The following MYT1L variants were observed in gnomAD, a reference collection of about 807,000 sequenced individuals.
The protein encoded by MYT1L is myelin transcription factor 1 like.
MYT1L carries 12 observed loss-of-function variants against 126.7 expected under a neutral mutation model. The observed-to-expected ratio is 0.09, with a 90% confidence interval of 0.06 to 0.15. The LOEUF is 0.15. Ranked by LOEUF, MYT1L falls within the 10% of genes least tolerant of loss-of-function variation. The pLI is 1.00. For synonymous variants in MYT1L, 541 were observed against 604.2 expected (o/e 0.90, Z 1.53); for missense variants, 979 against 1,585.2 (o/e 0.62, Z 6.49).
chr2:1,836,804 C>A (rs1276851195), intron 21 of MYT1L, among the ~76,000 whole-genome samples: 2 of 151,934 alleles, frequency 1.3e-5, no homozygotes, highest in East Asian at 3.9e-4. Context: ...CATCAGCCTG[C>A]ACCCCAATAT....
At chr2:2,104,859 T>C (rs115207059) in intron 3 of MYT1L, among the ~76,000 whole-genome samples, 4,341 of 152,280 alleles carry the variant, frequency 0.029, 107 homozygotes, top group Non-Finnish European at 0.044. Flanking sequence ...AAGACTCCTG[T>C]TCTCATCCGA....
intron 1 of MYT1L, chr2:2,325,988 G>T (rs1231278268): frequency 6.6e-6 from 1 of 152,046 alleles, no homozygotes; most frequent in Non-Finnish European, 1.5e-5. Flanking sequence ...GGCAAATTAA[G>T]AAAAAAAGAA....
rs1473041884 is a variant in MYT1L, at chr2:2,224,688, G to A, written c.-420-51700C>T. 8.6e-5 allele frequency among the ~76,000 whole-genome samples: 13 copies of A among 151,798 alleles called. No individual in the cohort carries two copies. The highest frequency in any genetic ancestry group is 5.9e-5 in the Non-Finnish European group (4 of 67,932). On this transcript the variant is annotated intron_variant, in intron 2 of 24. Coordinates refer to ENST00000647738, the MANE Select transcript of MYT1L (RefSeq NM_001303052.2). This position sits in a 1 kb window ranked among gnomAD's most constrained non-coding sequence, Gnocchi z 4.0. Reference sequence around the variant, plus strand: ...CAAAAAATTAGCCAGGTGTGGTGGCGGGCACCTGTAGTCCCAGCTACTTGG... The same window carrying A: ...CAAAAAATTAGCCAGGTGTGGTGGCAGGCACCTGTAGTCCCAGCTACTTGG...
chr2:1,866,560 A>T (rs2045511696), intron 18 of MYT1L, among the ~76,000 whole-genome samples: 1 of 110,374 alleles, frequency 9.1e-6, no homozygotes, highest in African/African-American at 3.5e-5. Flanking sequence ...AGAGAGGGAG[A>T]GGGAAGGGGA....
chr2:2,121,433 C>T (rs1171840588), intron 3 of MYT1L, among the ~76,000 whole-genome samples: 1 of 151,914 alleles, frequency 6.6e-6, no homozygotes, highest in Non-Finnish European at 1.5e-5. Context: ...CCTAGGCCAC[C>T]CAAGGTGCTG....
At chr2:2,011,940 G>A (rs1294647816) in intron 4 of MYT1L, among the ~76,000 whole-genome samples, 1 of 152,194 alleles carries the variant, frequency 6.6e-6, no homozygotes, top group Non-Finnish European at 1.5e-5. Flanking sequence ...GGCCCCAGGT[G>A]CTAGACCACC....
At chr2:1,944,538 C>A (rs541857674) in intron 8 of MYT1L, among the ~76,000 whole-genome samples, 1 of 151,974 alleles carries the variant, frequency 6.6e-6, no homozygotes, top group African/African-American at 2.4e-5. Context: ...GCCTCTCTCA[C>A]TGGCCCATTA....
At position 2,059,278 on chromosome 2, in the gene MYT1L, A is replaced by T. The variant is rs895265822; in HGVS notation, c.-303-5155T>A. On this transcript the variant is annotated intron_variant, in intron 3 of 24. Transcript: ENST00000647738. The surrounding 1 kb of genome is among the most constrained non-coding windows in gnomAD (Gnocchi z 4.7). ...CGGGGTCGCAACTGCTTTTCGCAGGATTGTTTTATTATTTCCAGTGACTTT... is the reference window on the plus strand; with the variant it reads ...CGGGGTCGCAACTGCTTTTCGCAGGTTTGTTTTATTATTTCCAGTGACTTT... 2.6e-5 allele frequency among the ~76,000 whole-genome samples: 4 copies of T among 152,062 alleles called. No homozygotes were observed. The highest frequency in any genetic ancestry group is 4.1e-4 in the South Asian group (2 of 4,828).
At chr2:1,819,782 G>A (rs1185238331) in intron 21 of MYT1L, among the ~76,000 whole-genome samples, 2 of 152,258 alleles carry the variant, frequency 1.3e-5, no homozygotes, top group African/African-American at 4.8e-5. Context: ...AAAGAAGCCT[G>A]AGCAGCATGT....
At chr2:2,041,754 G>A (rs1201661730) in intron 4 of MYT1L, among the ~76,000 whole-genome samples, 1 of 152,154 alleles carries the variant, frequency 6.6e-6, no homozygotes, top group Non-Finnish European at 1.5e-5. Context: ...TGCAGCTTAA[G>A]CAGATGGTTT....
At chr2:1,897,375 A>C (rs1303054162) in intron 14 of MYT1L, among the ~76,000 whole-genome samples, 1 of 152,178 alleles carries the variant, frequency 6.6e-6, no homozygotes, top group African/African-American at 2.4e-5. Context: ...CTCTTCCAGC[A>C]CAGAGGATGC....
At chr2:1,911,992 C>T (rs1224419444) in intron 12 of MYT1L, 28 bp downstream of exon 12, 10 of 1,546,328 alleles carry the variant, frequency 6.5e-6, no homozygotes, top group Admixed American at 5.3e-5. Context: ...GTGCTCCCTC[C>T]CACACCAGTG....
rs151245301 is a variant in MYT1L, at chr2:2,277,907, A to G, written c.-421+6497T>C. On this transcript the variant is annotated intron_variant, in intron 2 of 24. Coordinates refer to ENST00000647738, the MANE Select transcript of MYT1L (RefSeq NM_001303052.2). ...TAGTATATTCCTAGCAAAATTTGAAACAATAATTTCTTTGAATATCTTTAG... is the reference window on the plus strand; with the variant it reads ...TAGTATATTCCTAGCAAAATTTGAAGCAATAATTTCTTTGAATATCTTTAG... Among the ~76,000 whole-genome samples the G allele has an allele frequency of 3.3e-5, 5 of 152,388 alleles. No homozygotes were observed. The East Asian group carries it at 9.6e-4, about 29-fold the overall frequency.
Position 1,805,266 on chromosome 2 carries a change from C to A in MYT1L, c.3173-3467G>T, listed in dbSNP as rs115598529. Among the ~76,000 whole-genome samples the A allele has an allele frequency of 3.5e-3, 531 of 152,304 alleles. 3 individuals carry two copies. The highest frequency in any genetic ancestry group is 0.012 in the African/African-American group (515 of 41,558). On this transcript the variant is annotated intron_variant, in intron 22 of 24. Transcript: ENST00000647738. ...TTAGAATAGCTGCTTCCCTTTCAGA[C>A]AAATGCTCAAGAGAAAGCGCTAAAA...
At chr2:2,014,207 T>G (rs1433383037) in intron 4 of MYT1L, among the ~76,000 whole-genome samples, 7 of 151,964 alleles carry the variant, frequency 4.6e-5, no homozygotes, top group Non-Finnish European at 1.0e-4. Flanking sequence ...TTTTTTTTTT[T>G]TTTCCTGAGC....
intron 3 of MYT1L, among the ~76,000 whole-genome samples, chr2:2,136,039 C>A (rs1298149096): frequency 6.6e-6 from 1 of 152,136 alleles, no homozygotes; most frequent in Non-Finnish European, 1.5e-5. Flanking sequence ...GAATACTATG[C>A]AGCCATAAAA....
At chr2:2,237,304 C>T (rs2094344414) in intron 2 of MYT1L, among the ~76,000 whole-genome samples, 1 of 152,114 alleles carries the variant, frequency 6.6e-6, no homozygotes, top group South Asian at 2.1e-4. Flanking sequence ...TTTCACACAA[C>T]CACAGCAACC....
intron 2 of MYT1L, among the ~76,000 whole-genome samples, chr2:2,252,299 G>T (rs1442021305): frequency 6.6e-6 from 1 of 152,150 alleles, no homozygotes; most frequent in Non-Finnish European, 1.5e-5. Context: ...ACCAGCCCAT[G>T]CTTCAGGTTC....
intron 4 of MYT1L, among the ~76,000 whole-genome samples, chr2:2,008,778 C>T (rs1162166100): frequency 6.6e-6 from 1 of 151,900 alleles, no homozygotes; most frequent in Non-Finnish European, 1.5e-5. Context: ...GAGATTTTTC[C>T]CAACATTTTC....
Sources: allele counts gnomAD v4.1 joint callset (sites outside exome capture counted in the v4.1 genomes callset), GRCh38; gene constraint gnomAD v4.1.1; non-coding constraint Gnocchi (gnomAD v3.1); transcripts MANE v1.5; gene names NCBI Gene and HGNC (gene_info 2026-07-23, HGNC 2026-07-21).